Variants in STS observed in about 807,000 individuals in gnomAD.
STS encodes the protein steryl-sulfatase.
Under a neutral mutation model 26.8 loss-of-function variants are expected in STS, and 7 were observed. The observed-to-expected ratio is 0.26, with a 90% CI of 0.15 to 0.49. The LOEUF (loss-of-function observed/expected upper bound fraction) is 0.49. STS is among the 20% of genes least tolerant of loss of function. The pLI is 0.98. For missense variants in STS, 434 were observed against 465.6 expected (o/e 0.93, Z 0.63); for synonymous variants, 199 against 189.4 (o/e 1.05, Z -0.42).
intron 8 of STS, 31 bp from the exon 9 acceptor site, chrX:7,325,308 G>A (rs768694443): frequency 3.3e-6 from 4 of 1,205,824 alleles, no homozygotes; most frequent in African/African-American, 3.5e-5. Flanking sequence ...AAATCTCCCT[G>A]TTGCCTCTTA....
chrX:7,205,638 T>C (rs1934204745), intron 2 of STS, among the ~76,000 whole-genome samples: 1 of 92,991 alleles, frequency 1.1e-5, no homozygotes, highest in Non-Finnish European at 2.1e-5. Flanking sequence ...TCTTTTCTTT[T>C]TTCTTTTTTT....
At chrX:7,244,863 T>C (rs1601681517) in intron 2 of STS, among the ~76,000 whole-genome samples, 1 of 112,095 alleles carries the variant, frequency 8.9e-6, no homozygotes, top group East Asian at 2.8e-4. Context: ...GATAAAAACA[T>C]GTTCTCATGT....
At chrX:7,169,365 A>G (rs1210542738) in intron 1 of STS, among the ~76,000 whole-genome samples, 1 of 112,162 alleles carries the variant, frequency 8.9e-6, no homozygotes, top group Non-Finnish European at 1.9e-5. Context: ...AGGTCCATCC[A>G]TGTTGTAGCA....
rs142061458 is a variant in STS, at chrX:7,325,400, G to C, written c.1143G>C (p.Arg381Ser). ...TTCCAGGCATCCTTCGTTGGCCCAGGGTGATACAGGCTGGCCAGAAGATTG... is the reference window on the plus strand; with the variant it reads ...TTCCAGGCATCCTTCGTTGGCCCAGCGTGATACAGGCTGGCCAGAAGATTG... The part of the protein sequence containing the change: ...IRVPGILRWP[R>S]VIQAGQKIDE... The change falls in exon 9 of 11, where the codon AGG becomes AGC. Residue 381 changes from arginine (R) to serine (S), a missense_variant. By Grantham distance (110) the Arg-to-Ser change is moderately radical (BLOSUM62 -1). Around this residue, in one of 2 missense-constraint regions of STS, gnomAD observed 205 missense variants for 177.3 expected, o/e 1.16. Coordinates refer to ENST00000674429, the MANE Select transcript of STS (RefSeq NM_001320752.2). The C allele has an allele frequency of 2.2e-4, 263 of 1,209,277 alleles. 1 individual carries two copies. In the African/African-American group the frequency reaches 4.2e-3, roughly 19 times the overall value.
chrX:7,177,348 A>G (rs918573980), intron 1 of STS, among the ~76,000 whole-genome samples: 1 of 111,124 alleles, frequency 9.0e-6, no homozygotes, highest in Non-Finnish European at 1.9e-5. Context: ...TCATAGTTAT[A>G]TAAATAGTAG....
chrX:7,291,164 T>G (rs895256787), intron 7 of STS, among the ~76,000 whole-genome samples: 1 of 111,644 alleles, frequency 9.0e-6, no homozygotes, highest in Non-Finnish European at 1.9e-5. Context: ...GCCTGCAATC[T>G]GAAGAGTCAC....
chrX:7,169,065 C>G (rs1933408996), intron 1 of STS, among the ~76,000 whole-genome samples: 1 of 110,965 alleles, frequency 9.0e-6, no homozygotes, highest in Non-Finnish European at 1.9e-5. Flanking sequence ...ATTAAACCAC[C>G]ATCTGTCTGG....
intron 2 of STS, among the ~76,000 whole-genome samples, chrX:7,191,323 A>G (rs142731707): frequency 8.9e-6 from 1 of 112,174 alleles, no homozygotes; most frequent in African/African-American, 3.2e-5. Flanking sequence ...ATTATGTGGC[A>G]AGTCTAGAGG....
intron 2 of STS, among the ~76,000 whole-genome samples, chrX:7,196,128 C>A (rs941720784): frequency 6.2e-5 from 7 of 112,043 alleles, no homozygotes; most frequent in African/African-American, 2.3e-4. Flanking sequence ...TGGATACCTC[C>A]TGTGTATCTG....
At chrX:7,215,933 C>T (rs867471324) in intron 2 of STS, among the ~76,000 whole-genome samples, 2 of 112,007 alleles carry the variant, frequency 1.8e-5, no homozygotes, top group Non-Finnish European at 3.8e-5. Flanking sequence ...TTCTTTTCTG[C>T]TGGGACCATG....
intron 10 of STS, among the ~76,000 whole-genome samples, chrX:7,346,763 T>C (rs1243076923): frequency 2.7e-5 from 3 of 112,504 alleles, no homozygotes; most frequent in Non-Finnish European, 5.6e-5. Context: ...GGACTAAATA[T>C]ACCTATGAAA....
intron 2 of STS, among the ~76,000 whole-genome samples, chrX:7,241,756 A>T (rs1191388044): frequency 8.9e-6 from 1 of 111,940 alleles, no homozygotes; most frequent in Non-Finnish European, 1.9e-5. Context: ...TAGGTCAAAA[A>T]TCTGGGCACA....
chrX:7,293,981 T>C (rs1314025257), intron 7 of STS, among the ~76,000 whole-genome samples: 1 of 110,916 alleles, frequency 9.0e-6, no homozygotes, highest in African/African-American at 3.3e-5. Context: ...AAAAATAAAA[T>C]TTGAGAGAGA....
intron 6 of STS, among the ~76,000 whole-genome samples, chrX:7,262,049 A>G (rs985994036): frequency 2.7e-5 from 3 of 112,121 alleles, no homozygotes; most frequent in Non-Finnish European, 3.8e-5. Context: ...TTGGCTCCAG[A>G]GAGTATTCTA....
chrX:7,216,956 G>A (rs752476740), intron 2 of STS, among the ~76,000 whole-genome samples: 12 of 111,269 alleles, frequency 1.1e-4, no homozygotes, highest in Admixed American at 1.1e-3. Context: ...CAGGACCATC[G>A]CAACAGGTGC....
At chrX:7,225,759 A>C (rs1262703198) in intron 2 of STS, among the ~76,000 whole-genome samples, 1 of 111,952 alleles carries the variant, frequency 8.9e-6, no homozygotes, top group Non-Finnish European at 1.9e-5. Context: ...CACATGTTAC[A>C]AGCAGGCCTT....
chrX:7,214,991 C>CGT (rs1569191538), intron 2 of STS, among the ~76,000 whole-genome samples: 35 of 69,131 alleles, frequency 5.1e-4, no homozygotes, highest in Non-Finnish European at 8.2e-4. Context: ...CATATATATA[C>CGT]GTATATATAC....
rs780517136 is a variant in STS, at chrX:7,332,286, G to A, written c.1242-1700G>A. Among the ~76,000 whole-genome samples the A allele has an allele frequency of 9.0e-4, 97 of 108,015 alleles. 2 individuals are homozygous for A. The highest frequency in any genetic ancestry group is 4.7e-3 in the Middle Eastern group (1 of 211). 93.8% of individuals were successfully genotyped at this position (108,015 alleles called of 115,157 possible). A position where few individuals can be genotyped will look rare whatever the true frequency, so the allele number is the denominator to read the frequency against. ...GTCAAGGCTGCAGTGAGCTATGGTCGCGCCACCACACTCCAGCCTGGATGT... is the reference window on the plus strand; with the variant it reads ...GTCAAGGCTGCAGTGAGCTATGGTCACGCCACCACACTCCAGCCTGGATGT... On this transcript the variant is annotated intron_variant, in intron 9 of 10. Transcript: ENST00000674429.
chrX:7,337,682 C>G (rs1418952091), intron 10 of STS, among the ~76,000 whole-genome samples: 10 of 112,404 alleles, frequency 8.9e-5, no homozygotes, highest in African/African-American at 3.2e-4. Context: ...AGAAATCTTG[C>G]CAGCTTGTTA....
Sources: allele counts gnomAD v4.1 joint callset (sites outside exome capture counted in the v4.1 genomes callset), GRCh38; gene constraint gnomAD v4.1.1; regional missense constraint gnomAD v4.1.1; transcripts MANE v1.5; gene names NCBI Gene and HGNC (gene_info 2026-07-23, HGNC 2026-07-21).